Variants in TRPC4 observed in about 807,000 individuals in gnomAD.
TRPC4 encodes the protein short transient receptor potential channel 4.
In TRPC4, 49 loss-of-function variants were observed where a neutral mutation model predicts 99.4. That is an observed-to-expected ratio of 0.49 (90% CI 0.39 to 0.63). TRPC4 has a LOEUF of 0.63. Among genes scored for constraint, TRPC4 ranks in the 20% least tolerant of loss-of-function variants. The pLI is 0.00. For missense variants in TRPC4, 898 were observed against 1,152.9 expected (o/e 0.78, Z 3.20); for synonymous variants, 454 against 425.9 (o/e 1.07, Z -0.81).
At chr13:37,637,833 A>G (rs1165843596) in intron 10 of TRPC4, among the ~76,000 whole-genome samples, 1 of 152,152 alleles carries the variant, frequency 6.6e-6, no homozygotes, top group Non-Finnish European at 1.5e-5. Context: ...GGAATTGGGA[A>G]GGACACTTCC....
intron 1 of TRPC4, among the ~76,000 whole-genome samples, chr13:37,819,301 C>T (rs527688100): frequency 6.6e-6 from 1 of 152,122 alleles, no homozygotes; most frequent in South Asian, 2.1e-4. Flanking sequence ...ACAGAAACAC[C>T]ATTTGACCCA....
chr13:37,747,251 C>A (rs191988977), intron 2 of TRPC4, among the ~76,000 whole-genome samples: 1 of 151,990 alleles, frequency 6.6e-6, no homozygotes, highest in African/African-American at 2.4e-5. Context: ...GTACATTAAC[C>A]CTCACCCTTT....
chr13:37,674,025 T>C (rs1952954595), intron 5 of TRPC4, among the ~76,000 whole-genome samples: 1 of 152,160 alleles, frequency 6.6e-6, no homozygotes, highest in African/African-American at 2.4e-5. Context: ...AACTTCTACT[T>C]ATAAAAACTT....
intron 1 of TRPC4, among the ~76,000 whole-genome samples, chr13:37,859,330 A>G (rs1959206480): frequency 6.6e-6 from 1 of 151,436 alleles, no homozygotes; most frequent in African/African-American, 2.4e-5. Flanking sequence ...AGCTATATCT[A>G]AAGAGATAGT....
In TRPC4 at chr13:37,737,387, T is replaced by C. The variant is rs1326878461; in HGVS notation, c.897+8550A>G. Among the ~76,000 whole-genome samples, 3 of 152,278 alleles carry C rather than the reference T, an allele frequency of 2.0e-5. No individual in the cohort carries two copies. The East Asian group carries it at 5.8e-4, about 29-fold the overall frequency. On this transcript the variant is annotated intron_variant, in intron 3 of 10. Transcript: ENST00000379705. ...GAAGAGAAAATAGAAATGCAAAGGA[T>C]AAGTTGTCCAACACTACATCCTTGG...
intron 3 of TRPC4, among the ~76,000 whole-genome samples, chr13:37,696,622 C>A (rs1009555807): frequency 6.6e-6 from 1 of 152,122 alleles, no homozygotes; most frequent in African/African-American, 2.4e-5. Context: ...AGCTGACTGC[C>A]GGGTGATTAT....
chr13:37,818,111 G>A (rs1312113300), intron 1 of TRPC4, among the ~76,000 whole-genome samples: 3 of 151,772 alleles, frequency 2.0e-5, no homozygotes, highest in Admixed American at 2.0e-4. Flanking sequence ...CCTACAGAAT[G>A]GGAGAATACT....
chr13:37,752,425 T>C lies in TRPC4; in HGVS notation c.379-5970A>G, dbSNP rs1196700906. On this transcript the variant is annotated intron_variant, in intron 2 of 10. Transcript: ENST00000379705. ...CTGCCATTTCTGTAGGGCGAAGCCA[T>C]TAAATCAGAGTTCCAAGCCTTCCAA... Among the ~76,000 whole-genome samples the C allele has an allele frequency of 5.3e-5, 8 of 152,022 alleles. No individual in the cohort carries two copies. In the East Asian group the frequency reaches 1.2e-3, roughly 22 times the overall value.
chr13:37,637,037 T>A lies in TRPC4; in HGVS notation c.2800A>T (p.Lys934Ter). 6.2e-7 allele frequency: 1 copy of A among 1,613,744 alleles called. No homozygotes were observed. Among genetic ancestry groups the A allele is most frequent in the Non-Finnish European group, 8.5e-7 (1 of 1,179,780 alleles). The change falls in exon 11 of 11, where the codon AAG (lysine) becomes TAG (stop). Residue 934 changes from lysine (K) to a stop codon, truncating the protein, a stop_gained. Coordinates refer to ENST00000379705, the MANE Select transcript of TRPC4 (RefSeq NM_016179.4). LOFTEE classifies it high-confidence loss of function. ...GGAACCGTGTCCTCCACCACCACCT[T>A]CTCTGACTTGAATGGACACACTCTC... ...GKRVCPFKSE[K>*]VVVEDTVPII...
intron 3 of TRPC4, among the ~76,000 whole-genome samples, chr13:37,730,592 TAC>T (rs200044720): frequency 1.2e-4 from 18 of 150,640 alleles, no homozygotes; most frequent in African/African-American, 3.4e-4. Flanking sequence ...TGTACACACA[TAC>T]ACACACACAC....
At chr13:37,703,951 A>G (rs1413305817) in intron 3 of TRPC4, among the ~76,000 whole-genome samples, 1 of 152,200 alleles carries the variant, frequency 6.6e-6, no homozygotes, top group African/African-American at 2.4e-5. Flanking sequence ...TCAAACTGGA[A>G]CAAGCCAAAT....
At chr13:37,862,168 C>T (rs990363435) in intron 1 of TRPC4, among the ~76,000 whole-genome samples, 3 of 151,404 alleles carry the variant, frequency 2.0e-5, no homozygotes, top group Non-Finnish European at 4.4e-5. Flanking sequence ...AAGCCAAGGT[C>T]TCTACTGTCT....
In TRPC4 at chr13:37,698,167, C is replaced by CTTT. The variant is rs67611413; in HGVS notation, c.898-5835_898-5833dup. ...TCTCAAGGTTACTCCAAGGACTAACCTTTTTTTTTTTGAGTGGGAATCTCA... is the reference window on the plus strand; with the variant it reads ...TCTCAAGGTTACTCCAAGGACTAACCTTTTTTTTTTTTTTGAGTGGGAATCTCA... On this transcript the variant is annotated intron_variant, in intron 3 of 10. Transcript: ENST00000379705. Among the ~76,000 whole-genome samples the CTTT allele has an allele frequency of 1.4e-4, 6 of 42,556 alleles. 1 individual carries two copies. The highest frequency in any genetic ancestry group is 5.2e-4 in the African/African-American group (5 of 9,546). 27.9% of individuals were successfully genotyped at this position (42,556 alleles called of 152,430 possible). A position where few individuals can be genotyped will look rare whatever the true frequency, so the allele number is the denominator to read the frequency against.
intron 4 of TRPC4, among the ~76,000 whole-genome samples, chr13:37,686,065 T>C (rs1953463056): frequency 6.6e-6 from 1 of 152,108 alleles, no homozygotes; most frequent in African/African-American, 2.4e-5. Flanking sequence ...TGAAGCTAGT[T>C]TGCTAAGATT....
At chr13:37,716,634 G>A (rs1385305225) in intron 3 of TRPC4, among the ~76,000 whole-genome samples, 1 of 151,814 alleles carries the variant, frequency 6.6e-6, no homozygotes, top group African/African-American at 2.4e-5. Context: ...GTCATTCTGA[G>A]GACATAAAAG....
intron 2 of TRPC4, among the ~76,000 whole-genome samples, chr13:37,775,665 G>A (rs1242772598): frequency 2.6e-5 from 4 of 151,586 alleles, no homozygotes; most frequent in African/African-American, 9.7e-5. Flanking sequence ...CCAACCTAAA[G>A]AGACTACATG....
At chr13:37,773,923 G>T (rs1488206553) in intron 2 of TRPC4, among the ~76,000 whole-genome samples, 2 of 151,408 alleles carry the variant, frequency 1.3e-5, no homozygotes, top group Admixed American at 1.3e-4. Flanking sequence ...TTGGAGAGTG[G>T]GAAATACATA....
chr13:37,656,548 C>G (rs749291878), intron 6 of TRPC4, among the ~76,000 whole-genome samples: 1 of 152,156 alleles, frequency 6.6e-6, no homozygotes, highest in Non-Finnish European at 1.5e-5. Context: ...CAATCATGGT[C>G]AAGTGACCCA....
intron 1 of TRPC4, among the ~76,000 whole-genome samples, chr13:37,786,688 A>G (rs565796280): frequency 5.3e-5 from 8 of 152,048 alleles, no homozygotes; most frequent in Non-Finnish European, 1.2e-4. Context: ...CTCCACTTTT[A>G]GAATAAACTT....
Sources: gnomAD v4.1 joint callset for allele counts (sites outside exome capture counted in the v4.1 genomes callset) on GRCh38, gnomAD v4.1.1 for gene constraint, MANE v1.5 for transcripts, NCBI Gene and HGNC (gene_info 2026-07-23, HGNC 2026-07-21) for gene names.